The following MEGF6 variants were observed in gnomAD, a reference collection of about 807,000 sequenced individuals.
The protein encoded by MEGF6 is multiple EGF like domains 6, also known as multiple epidermal growth factor-like domains protein 6.
MEGF6 carries 184 observed loss-of-function variants against 207.1 expected under a neutral mutation model. The ratio of observed to expected loss-of-function variants is 0.89; its 90% CI spans 0.79 to 1.00. The LOEUF (loss-of-function observed/expected upper bound fraction) is 1.00. Ranked by LOEUF, MEGF6 falls within the 50% of genes least tolerant of loss-of-function variation. The pLI, the probability that MEGF6 is intolerant of heterozygous loss-of-function variation, is 0.00. For synonymous variants in MEGF6, 1,038 were observed against 910.0 expected, an observed-to-expected ratio of 1.14 and a Z score of -2.53; for missense variants, 2,282 against 2,202.9, an observed-to-expected ratio of 1.04 and a Z score of -0.72.
At chr1:3,502,071 C>A in intron 17 of MEGF6, 150 bp from the exon 18 acceptor site, 1 of 1,366,546 alleles carries the variant, frequency 7.3e-7, no homozygotes, top group Non-Finnish European at 1.0e-6. Flanking sequence ...CACATGGGCT[C>A]CTGGCGAGTG....
chr1:3,505,019 T>C (rs1390575640), intron 17 of MEGF6, among the ~76,000 whole-genome samples, 189 bp downstream of exon 17: 1 of 152,050 alleles, frequency 6.6e-6, no homozygotes, highest in East Asian at 1.9e-4. Context: ...GCCGCACCAC[T>C]GCCATGTGAC....
chr1:3,559,433 G>A (rs920560331), intron 4 of MEGF6, among the ~76,000 whole-genome samples: 4 of 150,218 alleles, frequency 2.7e-5, no homozygotes, highest in Non-Finnish European at 4.4e-5. Flanking sequence ...GAGACAGGAG[G>A]ATCATGTGAG....
In MEGF6 at chr1:3,505,396, C is replaced by CCT. The variant is rs775941493; in HGVS notation, c.2053+25_2053+26insAG. On this transcript the variant is annotated intron_variant, in intron 16 of 36. Coordinates refer to ENST00000356575, the MANE Select transcript of MEGF6 (RefSeq NM_001409.4). ...GGTTAACCGACCCTGGCGCCCCCCG[C>CCT]CCCCAGACCCCATGCCTGGACTCAC... The CCT allele has an allele frequency of 2.5e-6, 4 of 1,600,064 alleles. No homozygotes were observed. The African/African-American group carries it at 4.0e-5, about 16-fold the overall frequency.
chr1:3,591,175 G>A (rs1023626697), intron 3 of MEGF6, among the ~76,000 whole-genome samples: 2 of 152,230 alleles, frequency 1.3e-5, no homozygotes, highest in Non-Finnish European at 2.9e-5. Context: ...TGAGCCAGCA[G>A]AGATGGGAAG....
At chr1:3,607,435 T>G (rs575258128) in intron 1 of MEGF6, among the ~76,000 whole-genome samples, 3 of 149,282 alleles carry the variant, frequency 2.0e-5, no homozygotes, top group Non-Finnish European at 4.4e-5. Context: ...CCCAACAAAA[T>G]TGATTGATCA....
intron 4 of MEGF6, among the ~76,000 whole-genome samples, chr1:3,568,357 C>T (rs1289897024): frequency 1.3e-5 from 2 of 148,664 alleles, no homozygotes; most frequent in Non-Finnish European, 2.9e-5. Context: ...ATGGGGGCTT[C>T]GGTAGTGGTC....
At chr1:3,554,002 C>T (rs1257200564) in intron 4 of MEGF6, among the ~76,000 whole-genome samples, 1 of 152,222 alleles carries the variant, frequency 6.6e-6, no homozygotes, top group Non-Finnish European at 1.5e-5. Context: ...CCGCCAACAC[C>T]TCAGGGGCAG....
chr1:3,523,083 G>T (rs551196179), intron 5 of MEGF6, among the ~76,000 whole-genome samples: 3 of 151,980 alleles, frequency 2.0e-5, no homozygotes, highest in East Asian at 3.9e-4. Context: ...CCGGGGGGGG[G>T]GCCCCAGGGC....
intron 4 of MEGF6, among the ~76,000 whole-genome samples, chr1:3,552,417 C>G (rs1642915531): frequency 1.3e-5 from 2 of 152,252 alleles, no homozygotes; most frequent in Non-Finnish European, 2.9e-5. Flanking sequence ...CCTGGTAAGA[C>G]CACGCGTGGC....
intron 7 of MEGF6, among the ~76,000 whole-genome samples, chr1:3,512,463 G>A (rs763228579): frequency 2.6e-5 from 4 of 152,222 alleles, no homozygotes; most frequent in Non-Finnish European, 5.9e-5. Flanking sequence ...GATATGGTCT[G>A]GCTGTGTCCC....
chr1:3,503,604 G>A (rs1056708491), intron 17 of MEGF6, among the ~76,000 whole-genome samples: 3 of 152,096 alleles, frequency 2.0e-5, no homozygotes, highest in African/African-American at 7.2e-5. Flanking sequence ...CTGGAAGGAG[G>A]GTCACAGGCA....
intron 1 of MEGF6, among the ~76,000 whole-genome samples, chr1:3,608,231 C>A (rs1052322046): frequency 6.6e-6 from 1 of 152,084 alleles, no homozygotes; most frequent in Non-Finnish European, 1.5e-5. Flanking sequence ...GCCCTGGGGC[C>A]CCTCGGACTC....
Position 3,499,880 on chromosome 1 carries a change from G to A in MEGF6, c.2752C>T (p.Gln918Ter), listed in dbSNP as rs535131198. The change falls in exon 22 of 37, where the codon CAG becomes TAG. Residue 918 changes from glutamine (Q) to a stop codon, truncating the protein, a stop_gained. Coordinates refer to ENST00000356575, the MANE Select transcript of MEGF6 (RefSeq NM_001409.4). LOFTEE classifies it high-confidence loss of function. ...TCACAGGCTGCTCCATGCTGACACT[G>A]GCACCGCTGCTCACAGCCGGGCCCA... ...HFGPGCEQRCQCQHGAACDHV... is the reference protein window; with the variant it reads ...HFGPGCEQRC The A allele has an allele frequency of 1.9e-6, 3 of 1,561,094 alleles. No homozygotes were observed. Among genetic ancestry groups the A allele is most frequent in the African/African-American group, 2.7e-5 (2 of 73,744 alleles).
chr1:3,550,453 T>A (rs570663809), intron 4 of MEGF6, among the ~76,000 whole-genome samples: 1 of 152,322 alleles, frequency 6.6e-6, no homozygotes, highest in East Asian at 1.9e-4. Context: ...CGGAATGAGA[T>A]AAAGGTGATG....
At chr1:3,587,697 G>A (rs181620534) in intron 3 of MEGF6, among the ~76,000 whole-genome samples, 133 of 152,314 alleles carry the variant, frequency 8.7e-4, no homozygotes, top group African/African-American at 3.0e-3. Context: ...ATGCTCATGC[G>A]TGGACCTGGC....
chr1:3,623,879 G>A, the MEGF6 span, among the ~76,000 whole-genome samples: 1 of 152,128 alleles, frequency 6.6e-6, no homozygotes, highest in African/African-American at 2.4e-5. Flanking sequence ...AGCCAGCATT[G>A]GTTTCTTCCA....
At chr1:3,616,763 G>C in the MEGF6 span, among the ~76,000 whole-genome samples, 7 of 152,338 alleles carry the variant, frequency 4.6e-5, no homozygotes, top group East Asian at 1.3e-3. Context: ...GCATACCTAA[G>C]GTGGGCTGTG....
At chr1:3,500,076 G>T in intron 21 of MEGF6, 152 bp from the exon 22 acceptor site, 1 of 1,242,778 alleles carries the variant, frequency 8.0e-7, no homozygotes, top group Non-Finnish European at 1.1e-6. Flanking sequence ...TCACTCACAT[G>T]CTTCATCCCC....
At chr1:3,542,665 C>T (rs907715735) in intron 4 of MEGF6, among the ~76,000 whole-genome samples, 1 of 152,164 alleles carries the variant, frequency 6.6e-6, no homozygotes, top group Non-Finnish European at 1.5e-5. Flanking sequence ...TCCCCAAAAC[C>T]TCTAGATTGC....
Sources: allele counts gnomAD v4.1 joint callset (sites outside exome capture counted in the v4.1 genomes callset), GRCh38; gene constraint gnomAD v4.1.1; transcripts MANE v1.5; gene names NCBI Gene and HGNC (gene_info 2026-07-23, HGNC 2026-07-21).